The following GRID1 variants were observed in gnomAD, a reference collection of about 807,000 sequenced individuals.
GRID1 encodes the protein glutamate ionotropic receptor delta type subunit 1, also known as glutamate receptor ionotropic, delta-1.
In GRID1, 28 loss-of-function variants were observed where a neutral mutation model predicts 98.0. The ratio of observed to expected loss-of-function variants is 0.29; its 90% CI spans 0.21 to 0.39. The LOEUF is 0.39. GRID1 is among the 10% of genes least tolerant of loss of function. The probability of loss-of-function intolerance (pLI) is 1.00; values close to 1 mark genes in which losing one functional copy is unlikely to be tolerated. For missense variants in GRID1, 1,111 were observed against 1,340.5 expected (o/e 0.83, Z 2.67); for synonymous variants, 553 against 538.5 (o/e 1.03, Z -0.37).
intron 5 of GRID1, among the ~76,000 whole-genome samples, chr10:85,870,313 C>T (rs1368106972): frequency 6.6e-6 from 1 of 152,228 alleles, no homozygotes; most frequent in Non-Finnish European, 1.5e-5. Context: ...CTTGTACTTA[C>T]ACCAGCGATT....
At chr10:85,676,520 G>A (rs1052634824) in intron 12 of GRID1, among the ~76,000 whole-genome samples, 3 of 152,130 alleles carry the variant, frequency 2.0e-5, no homozygotes, top group Admixed American at 2.0e-4. Context: ...AACCATTTGT[G>A]CTAGAGTCCT....
rs144900069 is a variant in GRID1, at chr10:86,065,107, C to A, written c.726+73712G>T. Among the ~76,000 whole-genome samples the A allele has an allele frequency of 9.4e-3, 1,431 of 152,302 alleles. 13 individuals carry two copies. Among genetic ancestry groups the A allele is most frequent in the Non-Finnish European group, 0.013 (907 of 68,022 alleles). On this transcript the variant is annotated intron_variant, in intron 4 of 15. Coordinates refer to ENST00000327946, the MANE Select transcript of GRID1 (RefSeq NM_017551.3). ...TGAGCACCCCACTAGGGCCACCACC[C>A]GGCCTCCCTCACTGGCCTCCATAGA...
At chr10:86,099,081 A>G (rs1347558263) in intron 4 of GRID1, among the ~76,000 whole-genome samples, 1 of 152,218 alleles carries the variant, frequency 6.6e-6, no homozygotes. Flanking sequence ...GTCCAAAGTG[A>G]TTACACTGGC....
chr10:86,296,301 T>A (rs917942670), intron 2 of GRID1, among the ~76,000 whole-genome samples: 2 of 152,240 alleles, frequency 1.3e-5, no homozygotes, highest in African/African-American at 2.4e-5. Flanking sequence ...GTGCCCAATG[T>A]CTGTCTGTTT....
chr10:86,221,277 G>T (rs892956870), intron 2 of GRID1, among the ~76,000 whole-genome samples: 2 of 152,202 alleles, frequency 1.3e-5, no homozygotes, highest in Admixed American at 6.5e-5. Flanking sequence ...AACCAGAGAG[G>T]AACTTTAGAG....
At chr10:85,710,726 T>C (rs1841572387) in intron 12 of GRID1, among the ~76,000 whole-genome samples, 2 of 152,046 alleles carry the variant, frequency 1.3e-5, no homozygotes, top group South Asian at 4.1e-4. Flanking sequence ...TGGATTAATA[T>C]CTGGAATGTA....
chr10:86,069,647 C>CTAAA (rs985678824), intron 4 of GRID1, among the ~76,000 whole-genome samples: 27 of 152,164 alleles, frequency 1.8e-4, no homozygotes, highest in African/African-American at 3.9e-4. Flanking sequence ...GACTCCGTCT[C>CTAAA]TAAATAAATA....
intron 8 of GRID1, among the ~76,000 whole-genome samples, chr10:85,816,853 C>G (rs1317805225): frequency 6.6e-6 from 1 of 152,148 alleles, no homozygotes; most frequent in Non-Finnish European, 1.5e-5. Context: ...CCTCTCCCTC[C>G]TTCCACTCTT....
chr10:85,937,640 C>A (rs1332444214), intron 4 of GRID1, among the ~76,000 whole-genome samples: 1 of 152,172 alleles, frequency 6.6e-6, no homozygotes, highest in East Asian at 1.9e-4. Flanking sequence ...ATTTTTGTAA[C>A]CCCAATGCCT....
intron 5 of GRID1, among the ~76,000 whole-genome samples, chr10:85,895,533 T>C (rs756846622): frequency 5.9e-5 from 9 of 152,136 alleles, no homozygotes; most frequent in Admixed American, 1.3e-4. Context: ...TGTCCACATT[T>C]CATCCACAAG....
At chr10:85,691,716 A>C (rs1047874536) in intron 12 of GRID1, among the ~76,000 whole-genome samples, 1 of 152,144 alleles carries the variant, frequency 6.6e-6, no homozygotes, top group Non-Finnish European at 1.5e-5. Flanking sequence ...ATTTCCCACT[A>C]CTTGCATTAT....
chr10:85,743,114 C>A (rs12763515), intron 8 of GRID1, among the ~76,000 whole-genome samples: 3,517 of 134,488 alleles, frequency 0.026, 275 homozygotes, highest in Non-Finnish European at 0.04. Flanking sequence ...AGCCCCCCCC[C>A]CCACCACCCA....
intron 2 of GRID1, among the ~76,000 whole-genome samples, chr10:86,219,029 A>G (rs956353808): frequency 6.6e-6 from 1 of 152,222 alleles, no homozygotes; most frequent in African/African-American, 2.4e-5. Context: ...GCAGCCAGTC[A>G]TCACCCTGTG....
intron 2 of GRID1, among the ~76,000 whole-genome samples, chr10:86,221,859 G>A (rs1170357883): frequency 1.3e-5 from 2 of 151,344 alleles, no homozygotes; most frequent in African/African-American, 2.4e-5. Context: ...GATGCAGCCA[G>A]AGGGCTGGAG....
In GRID1 at chr10:85,885,459, C is replaced by T. The variant is rs79136418; in HGVS notation, c.781-16279G>A. Among the ~76,000 whole-genome samples the T allele has an allele frequency of 8.7e-3, 1,317 of 152,198 alleles. 19 individuals carry two copies. The highest frequency in any genetic ancestry group is 0.03 in the African/African-American group (1,232 of 41,532). On this transcript the variant is annotated intron_variant, in intron 5 of 15. Transcript: ENST00000327946. ...AGACTATATTGGATTTTCAAAGAAG[C>T]CTTTAATCAAAACAAAAATGTGATG...
At chr10:86,218,026 G>A (rs1272733868) in intron 2 of GRID1, among the ~76,000 whole-genome samples, 1 of 152,176 alleles carries the variant, frequency 6.6e-6, no homozygotes, top group African/African-American at 2.4e-5. Flanking sequence ...CTCCCAGATG[G>A]AGAACTGAGG....
At chr10:85,714,406 T>C (rs1041611748) in intron 12 of GRID1, among the ~76,000 whole-genome samples, 3 of 151,714 alleles carry the variant, frequency 2.0e-5, no homozygotes, top group Admixed American at 2.0e-4. Context: ...ACCTAAAAGT[T>C]TTTTTTTAAA....
At chr10:86,003,970 A>T (rs1366738410) in intron 4 of GRID1, among the ~76,000 whole-genome samples, 1 of 152,208 alleles carries the variant, frequency 6.6e-6, no homozygotes, top group Non-Finnish European at 1.5e-5. Flanking sequence ...TTTCAGCAAA[A>T]CATTAGAAAC....
At chr10:86,089,661 G>A (rs1221674143) in intron 4 of GRID1, among the ~76,000 whole-genome samples, 1 of 152,084 alleles carries the variant, frequency 6.6e-6, no homozygotes. Context: ...ATGCTTCCAT[G>A]GGCAATTGCA....
Sources: gnomAD v4.1 joint callset for allele counts (sites outside exome capture counted in the v4.1 genomes callset) on GRCh38, gnomAD v4.1.1 for gene constraint, MANE v1.5 for transcripts, NCBI Gene and HGNC (gene_info 2026-07-23, HGNC 2026-07-21) for gene names.